Variants in NPAS3 observed in about 807,000 individuals in gnomAD.
NPAS3 encodes the protein neuronal PAS domain-containing protein 3.
Under a neutral mutation model 73.1 loss-of-function variants are expected in NPAS3, and 14 were observed. The observed-to-expected ratio is 0.19, with a 90% CI of 0.13 to 0.30. NPAS3 has a LOEUF of 0.30. Among genes scored for constraint, NPAS3 ranks in the 10% least tolerant of loss-of-function variants. NPAS3 has a pLI of 1.00. For missense variants in NPAS3, 1,096 were observed against 1,250.0 expected (o/e 0.88, Z 1.86); for synonymous variants, 620 against 541.5 (o/e 1.14, Z -2.01).
chr14:33,183,513 C>CATCT (rs2139456352), intron 2 of NPAS3, among the ~76,000 whole-genome samples: 1 of 135,162 alleles, frequency 7.4e-6, no homozygotes, highest in East Asian at 2.3e-4. Flanking sequence ...TGTGCTGGCC[C>CATCT]ATCTAATCTA....
chr14:32,951,108 C>T (rs72674129), intron 1 of NPAS3, among the ~76,000 whole-genome samples: 44,939 of 151,900 alleles, frequency 0.3, 7,708 homozygotes, highest in Middle Eastern at 0.46. Flanking sequence ...TCCTGGTCAC[C>T]AGTGTCAGTC....
intron 5 of NPAS3, among the ~76,000 whole-genome samples, chr14:33,563,548 A>T (rs893526956): frequency 1.3e-5 from 2 of 151,392 alleles, no homozygotes; most frequent in Non-Finnish European, 2.9e-5. Context: ...AGAGAGAGAG[A>T]GAGAGAGAGA....
At chr14:33,416,125 A>G (rs1210814099) in intron 4 of NPAS3, among the ~76,000 whole-genome samples, 1 of 152,132 alleles carries the variant, frequency 6.6e-6, no homozygotes, top group Non-Finnish European at 1.5e-5. Context: ...TACAATAGGT[A>G]CTTACAAACC....
At chr14:33,102,881 G>T (rs1373334937) in intron 2 of NPAS3, among the ~76,000 whole-genome samples, 1 of 152,122 alleles carries the variant, frequency 6.6e-6, no homozygotes, top group Non-Finnish European at 1.5e-5. Flanking sequence ...ATTTACCAAG[G>T]TAACTGCTTA....
intron 4 of NPAS3, among the ~76,000 whole-genome samples, chr14:33,409,135 A>G (rs540264398): frequency 6.6e-6 from 1 of 152,318 alleles, no homozygotes; most frequent in South Asian, 2.1e-4. Context: ...AATAGGGTCC[A>G]TACTATAAGC....
chr14:33,383,447 T>G (rs771326165), intron 4 of NPAS3, among the ~76,000 whole-genome samples: 3 of 152,230 alleles, frequency 2.0e-5, no homozygotes, highest in Non-Finnish European at 2.9e-5. Context: ...GACATTTACA[T>G]GCTGGGCTCC....
At chr14:33,162,940 C>T (rs1200388318) in intron 2 of NPAS3, among the ~76,000 whole-genome samples, 1 of 152,154 alleles carries the variant, frequency 6.6e-6, no homozygotes, top group Non-Finnish European at 1.5e-5. Flanking sequence ...CTGCTATGTA[C>T]TCAACACTGG....
chr14:33,219,164 G>A (rs1202468386), intron 3 of NPAS3, among the ~76,000 whole-genome samples: 1 of 152,096 alleles, frequency 6.6e-6, no homozygotes. Flanking sequence ...ATCTCATTGT[G>A]GTGACTGTTG....
intron 2 of NPAS3, among the ~76,000 whole-genome samples, chr14:33,201,177 TTATC>T (rs1313807799): frequency 6.6e-6 from 1 of 152,162 alleles, no homozygotes; most frequent in East Asian, 1.9e-4. Context: ...AACGCTAACT[TTATC>T]TAATGCTAGT....
At chr14:33,326,422 T>G (rs1236856865) in intron 3 of NPAS3, among the ~76,000 whole-genome samples, 1 of 152,214 alleles carries the variant, frequency 6.6e-6, no homozygotes, top group Non-Finnish European at 1.5e-5. Context: ...TTTTATACTT[T>G]AGCTCTGTCA....
intron 5 of NPAS3, among the ~76,000 whole-genome samples, chr14:33,670,497 G>A (rs939964250): frequency 1.4e-4 from 21 of 152,048 alleles, no homozygotes; most frequent in Admixed American, 1.0e-3. Flanking sequence ...CAATATGTAG[G>A]AAGTTATGAA....
intron 3 of NPAS3, among the ~76,000 whole-genome samples, chr14:33,227,952 G>A (rs2047696145): frequency 6.6e-6 from 1 of 152,076 alleles, no homozygotes; most frequent in African/African-American, 2.4e-5. Context: ...TCAAATCTTT[G>A]GGACTGTGAA....
intron 4 of NPAS3, among the ~76,000 whole-genome samples, chr14:33,492,156 G>C (rs1287168137): frequency 6.6e-6 from 1 of 152,134 alleles, no homozygotes; most frequent in Admixed American, 6.5e-5. Context: ...ATACAGATGT[G>C]TAACCCCATT....
At chr14:33,281,972 G>A (rs970765088) in intron 3 of NPAS3, among the ~76,000 whole-genome samples, 36 of 152,042 alleles carry the variant, frequency 2.4e-4, no homozygotes, top group African/African-American at 8.7e-4. Context: ...CTAATGCTGG[G>A]TACCTCAGTC....
intron 4 of NPAS3, among the ~76,000 whole-genome samples, chr14:33,382,207 G>A (rs1021165697): frequency 1.3e-5 from 2 of 151,828 alleles, no homozygotes; most frequent in African/African-American, 2.4e-5. Context: ...ATTTTCTCCT[G>A]CTGAAAAATA....
chr14:33,422,587 TCTC>T (rs1468930399), intron 4 of NPAS3, among the ~76,000 whole-genome samples: 1 of 151,946 alleles, frequency 6.6e-6, no homozygotes, highest in Non-Finnish European at 1.5e-5. Flanking sequence ...ATATGTACCT[TCTC>T]CTACTAAAAT....
chr14:33,777,424 T>A (rs2062853880), intron 8 of NPAS3, among the ~76,000 whole-genome samples: 1 of 143,182 alleles, frequency 7.0e-6, no homozygotes, highest in African/African-American at 2.4e-5. Flanking sequence ...TTATGTTTCT[T>A]TTTTTGTTTG....
intron 1 of NPAS3, among the ~76,000 whole-genome samples, chr14:33,048,253 A>C (rs747894858): frequency 2.1e-4 from 32 of 152,242 alleles, no homozygotes; most frequent in Non-Finnish European, 2.9e-4. Context: ...ATTCTTGCCC[A>C]GAGAAGACTG....
At chr14:33,355,688 G>A (rs554303193) in intron 3 of NPAS3, among the ~76,000 whole-genome samples, 5 of 152,238 alleles carry the variant, frequency 3.3e-5, no homozygotes, top group African/African-American at 9.6e-5. Context: ...CTGAACCTGA[G>A]AAGTTTCTCT....
Sources: allele counts gnomAD v4.1 joint callset (sites outside exome capture counted in the v4.1 genomes callset), GRCh38; gene constraint gnomAD v4.1.1; transcripts MANE v1.5; gene names NCBI Gene and HGNC (gene_info 2026-07-23, HGNC 2026-07-21).